Variants in XRN1 observed in about 807,000 individuals in gnomAD.
XRN1 encodes the protein 5'-3' exoribonuclease 1, also known as strand-exchange protein 1 homolog.
XRN1 carries 67 observed loss-of-function variants against 222.3 expected under a neutral mutation model. The ratio of observed to expected loss-of-function variants is 0.30; its 90% CI spans 0.25 to 0.37. The LOEUF (loss-of-function observed/expected upper bound fraction) is 0.37, where lower values mean the gene tolerates loss of function less well. Ranked by LOEUF, XRN1 falls within the 10% of genes least tolerant of loss-of-function variation. XRN1 has a pLI of 1.00. For missense variants in XRN1, 1,707 were observed against 2,000.2 expected, an observed-to-expected ratio of 0.85 and a Z score of 2.80; for synonymous variants, 643 against 652.4, an observed-to-expected ratio of 0.99 and a Z score of 0.22.
At chr3:142,424,807 A>T (rs1312787515) in intron 5 of XRN1, among the ~76,000 whole-genome samples, 1 of 152,128 alleles carries the variant, frequency 6.6e-6, no homozygotes, top group East Asian at 1.9e-4. Flanking sequence ...GATGTTCATT[A>T]TATTACCTTT....
intron 18 of XRN1, among the ~76,000 whole-genome samples, chr3:142,403,357 C>T (rs2108027913): frequency 6.6e-6 from 1 of 152,226 alleles, no homozygotes; most frequent in South Asian, 2.1e-4. Flanking sequence ...TGCCTTTCCC[C>T]TCCTTTTCTG....
At chr3:142,429,291 C>T (rs962113144) in intron 2 of XRN1, among the ~76,000 whole-genome samples, 3 of 151,712 alleles carry the variant, frequency 2.0e-5, no homozygotes, top group Non-Finnish European at 2.9e-5. Context: ...GGATTACAGG[C>T]GACCACCACC....
At chr3:142,341,152 A>G (rs2065981549) in intron 33 of XRN1, among the ~76,000 whole-genome samples, 1 of 152,186 alleles carries the variant, frequency 6.6e-6, no homozygotes, top group African/African-American at 2.4e-5. Flanking sequence ...ATTAAGCAGG[A>G]GGATGAAGTT....
Position 142,376,463 on chromosome 3 carries a change from T to C in XRN1, c.2831+16A>G, listed in dbSNP as rs1456566777. ...TTTTCTGCCACTTTAAGTAAATTTC[T>C]CTAACATAAACTTACTTTCTCCTAG... On this transcript the variant is annotated intron_variant, in intron 24 of 40. Coordinates refer to ENST00000392981, the MANE Select transcript of XRN1 (RefSeq NM_001282857.2). The C allele has an allele frequency of 1.9e-6, 3 of 1,576,862 alleles. No homozygotes were observed. The highest frequency in any genetic ancestry group is 1.7e-5 in the Admixed American group (1 of 58,474).
intron 20 of XRN1, among the ~76,000 whole-genome samples, chr3:142,392,586 G>A (rs893057443): frequency 6.6e-6 from 1 of 151,208 alleles, no homozygotes; most frequent in African/African-American, 2.4e-5. Flanking sequence ...TTGGTTTTTT[G>A]TTCTTGCGAT....
chr3:142,393,216 T>C (rs1188352801), intron 20 of XRN1, among the ~76,000 whole-genome samples: 3 of 147,208 alleles, frequency 2.0e-5, no homozygotes, highest in African/African-American at 5.0e-5. Flanking sequence ...TTGTAGATTC[T>C]GGATATTAGC....
At chr3:142,380,579 C>A (rs1315548161) in intron 22 of XRN1, among the ~76,000 whole-genome samples, 2 of 152,002 alleles carry the variant, frequency 1.3e-5, no homozygotes, top group Non-Finnish European at 2.9e-5. Context: ...ACCTTGAACT[C>A]TTGGGCTCAA....
chr3:142,329,652 A>C (rs756194385), intron 36 of XRN1, 37 bp from the exon 37 acceptor site: 1 of 1,510,328 alleles, frequency 6.6e-7, no homozygotes, highest in Admixed American at 2.7e-5. Flanking sequence ...CTTTATTAAT[A>C]AAATACTATC....
chr3:142,384,763 T>G (rs2067432163), intron 20 of XRN1, 78 bp from the exon 21 acceptor site: 2 of 1,114,024 alleles, frequency 1.8e-6, no homozygotes, highest in African/African-American at 3.2e-5. Context: ...TCAACTATCG[T>G]AAACTATCAA....
chr3:142,412,724 T>C (rs1047407562), intron 14 of XRN1, 61 bp from the exon 15 acceptor site: 101 of 1,259,438 alleles, frequency 8.0e-5, no homozygotes, highest in Non-Finnish European at 2.4e-5. Context: ...TAGTTTTTTG[T>C]TAATGTATTT....
At chr3:142,314,272 G>A (rs1577201245) in intron 39 of XRN1, among the ~76,000 whole-genome samples, 2 of 152,018 alleles carry the variant, frequency 1.3e-5, no homozygotes, top group African/African-American at 2.4e-5. Flanking sequence ...ACCTTTATAG[G>A]ACCAAAAGCA....
rs767843855 is a variant in XRN1 at position 142,426,730 on chromosome 3, C to G, written c.406+14G>C. On this transcript the variant is annotated intron_variant, in intron 3 of 40. Coordinates refer to ENST00000392981, the MANE Select transcript of XRN1 (RefSeq NM_001282857.2). ...ATTTCAATTCTGTCATAATTTGTCTCTCAGTGAATTTACCTGGTGTGATAC... is the reference window on the plus strand; with the variant it reads ...ATTTCAATTCTGTCATAATTTGTCTGTCAGTGAATTTACCTGGTGTGATAC... 6.3e-6 allele frequency: 10 copies of G among 1,597,882 alleles called. No homozygotes were observed. Among genetic ancestry groups the G allele is most frequent in the Non-Finnish European group, 7.7e-6 (9 of 1,171,648 alleles).
chr3:142,442,622 A>G (rs1165764272), intron 1 of XRN1, among the ~76,000 whole-genome samples: 1 of 152,184 alleles, frequency 6.6e-6, no homozygotes, highest in Non-Finnish European at 1.5e-5. Flanking sequence ...CCAAATTATT[A>G]TTTACTGGAC....
Position 142,422,689 on chromosome 3 carries a change from A to C in XRN1, c.860T>G (p.Phe287Cys). The C allele has an allele frequency of 6.2e-7, 1 of 1,612,428 alleles. No homozygotes were observed. The highest frequency in any genetic ancestry group is 8.5e-7 in the Non-Finnish European group (1 of 1,178,646). The change falls in exon 8 of 41, where the codon TTT becomes TGT. Residue 287 changes from phenylalanine to cysteine, a missense_variant. Physicochemically the swap from Phe to Cys is radical, Grantham distance 205 (BLOSUM62 -2). Around this residue, in one of 2 missense-constraint regions of XRN1, gnomAD observed 1,234 missense variants for 1,518.2 expected, o/e 0.81. Coordinates refer to ENST00000392981, the MANE Select transcript of XRN1 (RefSeq NM_001282857.2). The part of the protein sequence containing the change: ...RIIDDWILMG[F>C]LVGNDFIPHL... ...AGGGATAAAATCATTACCAACAAGA[A>C]ACCCCATCAAAATCCAATCATCTAT...
In XRN1 at chr3:142,447,207, C is replaced by T. The variant is rs1283234041; in HGVS notation, c.75+663G>A. On this transcript the variant is annotated intron_variant, in intron 1 of 40. Transcript: ENST00000392981. This position sits in a 1 kb window ranked among gnomAD's most constrained non-coding sequence, Gnocchi z 4.2. ...AATGTTCTATCAATTCGTTTCCCAA[C>T]CCCCTCTGTCACACAGTGAGGCCTC... 1.3e-5 allele frequency among the ~76,000 whole-genome samples: 2 copies of T among 152,198 alleles called. No individual in the cohort carries two copies. Among genetic ancestry groups the T allele is most frequent in the Non-Finnish European group, 2.9e-5 (2 of 68,050 alleles).
chr3:142,428,886 C>T (rs1016101219), intron 2 of XRN1, among the ~76,000 whole-genome samples: 1 of 152,118 alleles, frequency 6.6e-6, no homozygotes, highest in African/African-American at 2.4e-5. Context: ...AATTTGGAGT[C>T]ATCAGCAGAG....
At chr3:142,331,101 G>A (rs1050699273) in intron 36 of XRN1, among the ~76,000 whole-genome samples, 3 of 152,120 alleles carry the variant, frequency 2.0e-5, no homozygotes, top group Non-Finnish European at 1.5e-5. Flanking sequence ...TACAGATGTG[G>A]GCCAACGTGC....
chr3:142,371,011 T>TA (rs1471728966), intron 26 of XRN1, among the ~76,000 whole-genome samples: 1 of 151,356 alleles, frequency 6.6e-6, no homozygotes, highest in Non-Finnish European at 1.5e-5. Context: ...GGCGTACGCC[T>TA]AATAGGCCCA....
intron 37 of XRN1, among the ~76,000 whole-genome samples, chr3:142,320,578 T>C (rs905807960): frequency 1.3e-5 from 2 of 152,170 alleles, no homozygotes; most frequent in African/African-American, 2.4e-5. Context: ...CCCATTTGTC[T>C]ATTTTTGTTT....
Sources: gnomAD v4.1 joint callset for allele counts (sites outside exome capture counted in the v4.1 genomes callset) on GRCh38, gnomAD v4.1.1 for gene constraint, gnomAD v4.1.1 regional missense constraint, Gnocchi (gnomAD v3.1) non-coding constraint, MANE v1.5 for transcripts, NCBI Gene and HGNC (gene_info 2026-07-23, HGNC 2026-07-21) for gene names.